Variants in THSD7B observed in about 807,000 individuals in gnomAD.
The protein encoded by THSD7B is thrombospondin type-1 domain-containing protein 7B.
In THSD7B, 138 loss-of-function variants were observed where a neutral mutation model predicts 213.6. The ratio of observed to expected loss-of-function variants is 0.65; its 90% CI spans 0.56 to 0.74. The LOEUF (loss-of-function observed/expected upper bound fraction) is 0.74. THSD7B is among the 30% of genes least tolerant of loss of function. THSD7B has a pLI of 0.00. For synonymous variants in THSD7B, 742 were observed against 687.0 expected (o/e 1.08, Z -1.25); for missense variants, 1,931 against 1,991.5 (o/e 0.97, Z 0.58).
At chr2:137,366,159 C>T (rs1685401964) in intron 12 of THSD7B, among the ~76,000 whole-genome samples, 1 of 152,134 alleles carries the variant, frequency 6.6e-6, no homozygotes, top group African/African-American at 2.4e-5. Context: ...CCAAACACCA[C>T]ATGTTCTCAC....
intron 5 of THSD7B, among the ~76,000 whole-genome samples, chr2:137,150,246 A>G (rs1349357401): frequency 2.7e-5 from 4 of 149,092 alleles, no homozygotes; most frequent in Non-Finnish European, 4.5e-5. Context: ...CTGTCTCAAA[A>G]AAAAAAAAAA....
At chr2:136,846,873 TA>T in intron 1 of THSD7B, among the ~76,000 whole-genome samples, 1 of 152,292 alleles carries the variant, frequency 6.6e-6, no homozygotes, top group African/African-American at 2.4e-5. Flanking sequence ...ATATCAATAA[TA>T]AAAATAGTGA....
At chr2:136,970,696 G>C (rs1432365547) in intron 2 of THSD7B, among the ~76,000 whole-genome samples, 1 of 151,998 alleles carries the variant, frequency 6.6e-6, no homozygotes, top group Admixed American at 6.6e-5. Flanking sequence ...ATCCTGCCAA[G>C]GTCCAGTTTA....
intron 1 of THSD7B, among the ~76,000 whole-genome samples, chr2:136,861,244 A>G (rs1413270989): frequency 2.0e-5 from 3 of 152,190 alleles, no homozygotes; most frequent in African/African-American, 7.2e-5. Flanking sequence ...CAAAAGTCTC[A>G]TTTTAGGGTC....
chr2:137,033,720 C>A (rs965133990), intron 2 of THSD7B, among the ~76,000 whole-genome samples: 5 of 152,222 alleles, frequency 3.3e-5, no homozygotes, highest in East Asian at 1.9e-4. Context: ...TCAAGCGATT[C>A]TCCTGCCTCA....
intron 1 of THSD7B, among the ~76,000 whole-genome samples, chr2:136,804,345 C>T (rs1573645748): frequency 6.6e-6 from 1 of 151,792 alleles, no homozygotes; most frequent in African/African-American, 2.4e-5. Flanking sequence ...TTTGTGGCTT[C>T]ATTCTTTAGC....
At chr2:137,620,831 C>A in intron 20 of THSD7B, 105 bp downstream of exon 20, 2 of 884,268 alleles carry the variant, frequency 2.3e-6, no homozygotes, top group South Asian at 1.6e-5. Flanking sequence ...CAGCTGAAGT[C>A]AATATGAAAC....
chr2:137,439,316 C>A (rs1217892257), intron 14 of THSD7B, among the ~76,000 whole-genome samples: 1 of 151,870 alleles, frequency 6.6e-6, no homozygotes, highest in African/African-American at 2.4e-5. Context: ...GTTTCAAAAG[C>A]CTTCTTTGTG....
chr2:136,826,194 A>C (rs1181345539), intron 1 of THSD7B, among the ~76,000 whole-genome samples: 1 of 152,226 alleles, frequency 6.6e-6, no homozygotes, highest in Non-Finnish European at 1.5e-5. Flanking sequence ...GACTCTAATG[A>C]CATAAATTTC....
chr2:137,140,637 CT>C (rs879389779), intron 5 of THSD7B, among the ~76,000 whole-genome samples: 7 of 151,996 alleles, frequency 4.6e-5, no homozygotes, highest in Admixed American at 1.3e-4. Context: ...TGAAGTCTTG[CT>C]TTTTGGAGTT....
intron 17 of THSD7B, among the ~76,000 whole-genome samples, chr2:137,580,782 C>G (rs1681557461): frequency 6.6e-6 from 1 of 151,328 alleles, no homozygotes; most frequent in Admixed American, 6.6e-5. Flanking sequence ...GCAGGCAGGT[C>G]ACATAGCTAG....
chr2:137,285,629 T>G (rs958906747), intron 12 of THSD7B, among the ~76,000 whole-genome samples: 5 of 151,622 alleles, frequency 3.3e-5, no homozygotes, highest in Admixed American at 1.3e-4. Context: ...CGGAACAAGT[T>G]AAATAATGGA....
intron 14 of THSD7B, among the ~76,000 whole-genome samples, chr2:137,423,782 G>A (rs1320853565): frequency 6.6e-6 from 1 of 151,992 alleles, no homozygotes; most frequent in Non-Finnish European, 1.5e-5. Flanking sequence ...TAAAAGCTTA[G>A]CTAGCTTTTT....
intron 1 of THSD7B, among the ~76,000 whole-genome samples, chr2:136,836,398 A>C (rs930047992): frequency 3.3e-5 from 5 of 152,164 alleles, no homozygotes; most frequent in African/African-American, 9.7e-5. Flanking sequence ...GTCCATATGC[A>C]TGCAGTATTT....
chr2:137,247,654 CAGG>C (rs1558972474), intron 10 of THSD7B, among the ~76,000 whole-genome samples: 2 of 152,106 alleles, frequency 1.3e-5, no homozygotes, highest in African/African-American at 4.8e-5. Flanking sequence ...GTCATGGTAA[CAGG>C]AAGGCCAACA....
chr2:136,855,625 ATTTATTTAT>A (rs1204223234), intron 1 of THSD7B, among the ~76,000 whole-genome samples: 16 of 139,384 alleles, frequency 1.1e-4, no homozygotes, highest in South Asian at 2.4e-4. Flanking sequence ...TTATTTATTT[ATTTATTTAT>A]TTATTTTTTG....
intron 12 of THSD7B, among the ~76,000 whole-genome samples, chr2:137,307,889 T>C (rs1395616355): frequency 6.6e-6 from 1 of 152,018 alleles, no homozygotes; most frequent in East Asian, 1.9e-4. Flanking sequence ...CTGGAGACTG[T>C]CTCTTATAAT....
chr2:136,808,427 G>T (rs890066030), intron 1 of THSD7B, among the ~76,000 whole-genome samples: 1 of 152,080 alleles, frequency 6.6e-6, no homozygotes, highest in Non-Finnish European at 1.5e-5. Flanking sequence ...TGGCTTTCTG[G>T]TATCACCTGT....
chr2:137,608,445 A>G (rs1272551858), intron 17 of THSD7B, among the ~76,000 whole-genome samples: 1 of 152,006 alleles, frequency 6.6e-6, no homozygotes, highest in Non-Finnish European at 1.5e-5. Context: ...GTTACTGAGG[A>G]GCAAATTAGA....
Sources: allele counts gnomAD v4.1 joint callset (sites outside exome capture counted in the v4.1 genomes callset), GRCh38; gene constraint gnomAD v4.1.1; transcripts MANE v1.5; gene names NCBI Gene and HGNC (gene_info 2026-07-23, HGNC 2026-07-21).